The following TANC2 variants were observed in gnomAD, a reference collection of about 807,000 sequenced individuals.
TANC2 encodes the protein protein TANC2.
A neutral mutation model predicts 210.5 loss-of-function variants in TANC2; 26 were observed. The observed-to-expected ratio is 0.12, with a 90% CI of 0.09 to 0.17. TANC2 has a LOEUF of 0.17. TANC2 is among the 10% of genes least tolerant of loss of function. The probability of loss-of-function intolerance (pLI) is 1.00; values close to 1 mark genes in which losing one functional copy is unlikely to be tolerated. For synonymous variants in TANC2, 931 were observed against 967.1 expected (o/e 0.96, Z 0.69); for missense variants, 2,129 against 2,608.9 (o/e 0.82, Z 4.01).
chr17:63,374,596 G>A (rs1321503936), intron 14 of TANC2, among the ~76,000 whole-genome samples: 1 of 152,230 alleles, frequency 6.6e-6, no homozygotes, highest in African/African-American at 2.4e-5. Flanking sequence ...GAGATGATGT[G>A]AGTTGCCATT....
At chr17:63,060,779 T>C (rs1459126908) in intron 2 of TANC2, among the ~76,000 whole-genome samples, 1 of 152,242 alleles carries the variant, frequency 6.6e-6, no homozygotes, top group Non-Finnish European at 1.5e-5. Context: ...TTCACTGAGT[T>C]TTTACATGTT....
At position 63,362,467 on chromosome 17, in the gene TANC2, C is replaced by A. The variant is rs547620311; in HGVS notation, c.2582+7077C>A. On this transcript the variant is annotated intron_variant, in intron 14 of 27. Coordinates refer to ENST00000689528, the Ensembl canonical transcript of TANC2. ...CCTTTCCACCCAGGAGCCTGTCTGC[C>A]TCCTGCCACCATCAATCATGTCATC... is the stretch of plus-strand genomic sequence containing the variant. 2.3e-4 allele frequency among the ~76,000 whole-genome samples: 35 copies of A among 152,318 alleles called. No individual in the cohort carries two copies. In the East Asian group the frequency reaches 4.1e-3, roughly 18 times the overall value.
At position 63,058,615 on chromosome 17, in the gene TANC2, G is replaced by A. The variant is rs573227181; in HGVS notation, c.68-15328G>A. Among the ~76,000 whole-genome samples, 169 of 152,090 alleles carry A rather than the reference G, an allele frequency of 1.1e-3. 1 individual carries two copies. Among genetic ancestry groups the A allele is most frequent in the African/African-American group, 3.9e-3 (160 of 41,504 alleles). ...ATTTTTGTATATGGTGTAAGGAAGG[G>A]GTCCAGTTTCAGTCTTCTGCATATG... On this transcript the variant is annotated intron_variant, in intron 2 of 27. Transcript: ENST00000689528.
intron 8 of TANC2, among the ~76,000 whole-genome samples, chr17:63,263,557 G>A (rs1039150845): frequency 6.6e-6 from 1 of 152,120 alleles, no homozygotes; most frequent in African/African-American, 2.4e-5. Flanking sequence ...AATCTGAGTT[G>A]TTTATTTTTT....
intron 11 of TANC2, among the ~76,000 whole-genome samples, chr17:63,336,646 C>T (rs1255135474): frequency 1.3e-5 from 2 of 152,184 alleles, no homozygotes; most frequent in Non-Finnish European, 2.9e-5. Flanking sequence ...TTGCTATCTT[C>T]CTCCAAAGAA....
At chr17:63,098,816 G>A (rs17631111) in intron 3 of TANC2, among the ~76,000 whole-genome samples, 5 of 151,678 alleles carry the variant, frequency 3.3e-5, no homozygotes, top group East Asian at 1.9e-4. Flanking sequence ...AATTGCACAC[G>A]ATGGCTTGCT....
intron 3 of TANC2, among the ~76,000 whole-genome samples, chr17:63,089,637 G>A (rs1370156395): frequency 6.6e-6 from 1 of 152,070 alleles, no homozygotes; most frequent in African/African-American, 2.4e-5. Context: ...ATATTTAATA[G>A]TATGTGAATG....
chr17:63,250,515 T>G (rs2043029519), intron 8 of TANC2, among the ~76,000 whole-genome samples: 1 of 152,098 alleles, frequency 6.6e-6, no homozygotes, highest in Non-Finnish European at 1.5e-5. Flanking sequence ...CCGTCATTGG[T>G]GTTTGTATGA....
intron 3 of TANC2, among the ~76,000 whole-genome samples, chr17:63,081,384 C>T (rs1040333696): frequency 2.0e-5 from 3 of 152,120 alleles, no homozygotes; most frequent in Non-Finnish European, 4.4e-5. Flanking sequence ...CTTCCTGTTC[C>T]ACTCTCCTAA....
intron 2 of TANC2, among the ~76,000 whole-genome samples, chr17:63,011,411 G>A (rs1490503568): frequency 1.3e-5 from 2 of 152,152 alleles, no homozygotes; most frequent in East Asian, 3.8e-4. Context: ...AAAATAATGT[G>A]AATGTCACAG....
chr17:63,339,712 T>C lies in TANC2; in HGVS notation c.1576-389T>C, dbSNP rs1411331247. ...TTTTCTTGGATTATTTTATTCCTCA[T>C]GCTTTGTTTAAAGATTAGACTATTT... On this transcript the variant is annotated intron_variant, in intron 11 of 27. Coordinates refer to ENST00000689528, the Ensembl canonical transcript of TANC2. Among the ~76,000 whole-genome samples the C allele has an allele frequency of 3.3e-5, 5 of 150,938 alleles. No individual in the cohort carries two copies. In the East Asian group the frequency reaches 7.7e-4, roughly 23 times the overall value.
intron 2 of TANC2, among the ~76,000 whole-genome samples, chr17:63,037,260 G>C (rs1204682194): frequency 6.6e-6 from 1 of 152,092 alleles, no homozygotes; most frequent in Middle Eastern, 3.2e-3. Flanking sequence ...GGCAGGTACA[G>C]TATACAGCAG....
At chr17:63,375,126 C>G (rs2047385323) in intron 14 of TANC2, among the ~76,000 whole-genome samples, 1 of 152,162 alleles carries the variant, frequency 6.6e-6, no homozygotes, top group African/African-American at 2.4e-5. Context: ...TCTCAGTGCT[C>G]AAGATGTCAC....
At chr17:63,351,462 A>G (rs2146878050) in intron 13 of TANC2, 46 bp downstream of exon 13, 1 of 1,497,182 alleles carries the variant, frequency 6.7e-7, no homozygotes, top group East Asian at 2.4e-5. Context: ...CCTCTTGGAA[A>G]GAGCTTAGAC....
intron 1 of TANC2, among the ~76,000 whole-genome samples, chr17:62,990,641 A>C (rs1298836947): frequency 6.6e-6 from 1 of 152,186 alleles, no homozygotes; most frequent in Non-Finnish European, 1.5e-5. Flanking sequence ...AATAGCTATT[A>C]AAGGATGAGT....
chr17:63,288,648 T>A (rs1010595927), intron 9 of TANC2, among the ~76,000 whole-genome samples: 2 of 152,168 alleles, frequency 1.3e-5, no homozygotes, highest in African/African-American at 4.8e-5. Context: ...TCTATAAGGA[T>A]CTTCATATGT....
At chr17:63,398,738 A>G (rs2048248394) in intron 18 of TANC2, 83 bp from the exon 19 acceptor site, 1 of 890,204 alleles carries the variant, frequency 1.1e-6, no homozygotes, top group East Asian at 2.7e-5. Flanking sequence ...TGGATCATCC[A>G]AGCATCTTCC....
intron 7 of TANC2, among the ~76,000 whole-genome samples, chr17:63,215,899 G>A (rs1598623856): frequency 6.6e-6 from 1 of 151,850 alleles, no homozygotes; most frequent in East Asian, 1.9e-4. Flanking sequence ...ACAGGCGTCC[G>A]CCACCACGCC....
At chr17:63,352,103 T>C (rs1024174598) in intron 13 of TANC2, among the ~76,000 whole-genome samples, 2 of 152,132 alleles carry the variant, frequency 1.3e-5, no homozygotes, top group Non-Finnish European at 2.9e-5. Flanking sequence ...TGTAGCTGAG[T>C]TGGTGTCCCA....
Sources: allele counts gnomAD v4.1 joint callset (sites outside exome capture counted in the v4.1 genomes callset), GRCh38; gene constraint gnomAD v4.1.1; transcripts MANE v1.5; gene names NCBI Gene and HGNC (gene_info 2026-07-23, HGNC 2026-07-21).